The following MAPK10 variants were observed in gnomAD, a reference collection of about 807,000 sequenced individuals.
The protein encoded by MAPK10 is mitogen-activated protein kinase 10.
A neutral mutation model predicts 59.3 loss-of-function variants in MAPK10; 25 were observed. The observed-to-expected ratio is 0.42, with a 90% CI of 0.31 to 0.59. MAPK10 has a LOEUF of 0.59. Among genes scored for constraint, MAPK10 ranks in the 20% least tolerant of loss-of-function variants. MAPK10 has a pLI of 0.15. For synonymous variants in MAPK10, 190 were observed against 200.5 expected (o/e 0.95, Z 0.44); for missense variants, 351 against 568.9 (o/e 0.62, Z 3.90).
intron 1 of MAPK10, among the ~76,000 whole-genome samples, chr4:86,528,597 C>T (rs1757645765): frequency 6.6e-6 from 1 of 152,106 alleles, no homozygotes; most frequent in African/African-American, 2.4e-5. Context: ...TACAGCTATT[C>T]ACAGGAGTGA....
chr4:86,192,162 C>A (rs200332452), intron 3 of MAPK10: 1 of 152,180 alleles, frequency 6.6e-6, no homozygotes, highest in East Asian at 1.9e-4. Context: ...ATCGGCTTCC[C>A]TTTATGGGTA....
intron 3 of MAPK10, among the ~76,000 whole-genome samples, chr4:86,187,979 C>A (rs1228819461): frequency 6.6e-6 from 1 of 152,090 alleles, no homozygotes; most frequent in African/African-American, 2.4e-5. Context: ...TCAGCTCCCA[C>A]ATGTGAGTGA....
chr4:86,552,426 G>GAGGAAGGAAGGAAGGAAGGA (rs1354327822), intron 1 of MAPK10, among the ~76,000 whole-genome samples: 1 of 106,926 alleles, frequency 9.4e-6, no homozygotes, highest in Non-Finnish European at 1.9e-5. Context: ...GTCTCAAAGA[G>GAGGAAGGAAGGAAGGAAGGA]AGGAAGGAAG....
intron 1 of MAPK10, among the ~76,000 whole-genome samples, chr4:86,489,781 T>C (rs1359428197): frequency 1.3e-5 from 2 of 152,164 alleles, no homozygotes; most frequent in East Asian, 3.9e-4. Flanking sequence ...CTCTAGTCAA[T>C]CCTGAATGGT....
chr4:86,439,543 C>T (rs1749167982), intron 1 of MAPK10, among the ~76,000 whole-genome samples: 1 of 152,084 alleles, frequency 6.6e-6, no homozygotes, highest in African/African-American at 2.4e-5. Flanking sequence ...GTGAAAAAGC[C>T]ACTACAAATA....
intron 4 of MAPK10, among the ~76,000 whole-genome samples, chr4:86,148,410 T>C (rs1223868157): frequency 6.6e-6 from 1 of 152,144 alleles, no homozygotes; most frequent in Non-Finnish European, 1.5e-5. Flanking sequence ...ATGACTAGTA[T>C]GCCCTTCCAA....
intron 2 of MAPK10, among the ~76,000 whole-genome samples, chr4:86,343,744 T>A (rs1333521020): frequency 6.6e-6 from 1 of 152,156 alleles, no homozygotes; most frequent in East Asian, 1.9e-4. Context: ...TGATGTATAG[T>A]ATAACAAAAA....
At chr4:86,433,555 CTTT>C (rs574706672) in intron 1 of MAPK10, among the ~76,000 whole-genome samples, 4 of 97,610 alleles carry the variant, frequency 4.1e-5, no homozygotes, top group African/African-American at 1.6e-4. Context: ...GGGCCTTCTT[CTTT>C]TTTTTTTTTT....
At chr4:86,107,808 CTTTG>C (rs1305387323) in intron 4 of MAPK10, among the ~76,000 whole-genome samples, 7 of 151,832 alleles carry the variant, frequency 4.6e-5, no homozygotes, top group East Asian at 1.9e-4. Context: ...TTTCATTGTT[CTTTG>C]TTTGTTTTAA....
At chr4:86,051,229 T>C (rs2043461881) in intron 11 of MAPK10, among the ~76,000 whole-genome samples, 1 of 152,184 alleles carries the variant, frequency 6.6e-6, no homozygotes, top group African/African-American at 2.4e-5. Context: ...ATAATTTTAT[T>C]ATAGCACATA....
intron 1 of MAPK10, among the ~76,000 whole-genome samples, chr4:86,558,343 T>G (rs1363350312): frequency 2.0e-5 from 3 of 152,180 alleles, no homozygotes; most frequent in African/African-American, 7.2e-5. Context: ...CGAGGCTTTG[T>G]ACTTAGTATG....
At chr4:86,102,248 G>T in intron 6 of MAPK10, 3 of 432,438 alleles carry the variant, frequency 6.9e-6, no homozygotes, top group East Asian at 3.3e-5. Context: ...TTAATGTCTG[G>T]TTCATGTCCA....
intron 1 of MAPK10, chr4:86,542,343 G>C (rs1277805365): frequency 6.6e-6 from 1 of 152,168 alleles, no homozygotes; most frequent in Non-Finnish European, 1.5e-5. Context: ...CTCTGCCACT[G>C]ACAAGTTGTG....
At chr4:86,548,275 C>T (rs544673285) in intron 1 of MAPK10, among the ~76,000 whole-genome samples, 1 of 152,116 alleles carries the variant, frequency 6.6e-6, no homozygotes, top group African/African-American at 2.4e-5. Context: ...CACTCCTGAG[C>T]CAGCGAGACC....
intron 1 of MAPK10, among the ~76,000 whole-genome samples, chr4:86,447,800 A>ATG (rs1405091601): frequency 1.3e-5 from 2 of 152,192 alleles, no homozygotes; most frequent in Non-Finnish European, 2.9e-5. Context: ...AAATACATAT[A>ATG]TGTGTGTATC....
At chr4:86,562,319 G>A (rs879547561) in intron 1 of MAPK10, among the ~76,000 whole-genome samples, 21 of 151,784 alleles carry the variant, frequency 1.4e-4, no homozygotes, top group Non-Finnish European at 2.8e-4. Flanking sequence ...TAATACTTTT[G>A]GAATAAAGTT....
chr4:86,148,585 A>G (rs1280085421), intron 4 of MAPK10, among the ~76,000 whole-genome samples: 6 of 152,224 alleles, frequency 3.9e-5, no homozygotes, highest in African/African-American at 1.4e-4. Context: ...AAATGGAAGG[A>G]AGGGATATTT....
intron 2 of MAPK10, among the ~76,000 whole-genome samples, chr4:86,223,484 C>G (rs1394954296): frequency 6.6e-6 from 1 of 152,240 alleles, no homozygotes; most frequent in Non-Finnish European, 1.5e-5. Flanking sequence ...GAGGCTCTCA[C>G]AGGGCCTGAG....
chr4:86,024,098 A>G (rs1560636435), intron 13 of MAPK10: 1 of 151,946 alleles, frequency 6.6e-6, no homozygotes, highest in Non-Finnish European at 1.5e-5. Flanking sequence ...GCTGGAGTTG[A>G]TTATGTAGAC....
Sources: allele counts gnomAD v4.1 joint callset (sites outside exome capture counted in the v4.1 genomes callset), GRCh38; gene constraint gnomAD v4.1.1; transcripts MANE v1.5; gene names NCBI Gene and HGNC (gene_info 2026-07-23, HGNC 2026-07-21).